The following FREM1 variants were observed in gnomAD, a reference collection of about 807,000 sequenced individuals.
FREM1 encodes FRAS1-related extracellular matrix protein 1.
FREM1 carries 220 observed loss-of-function variants against 210.1 expected under a neutral mutation model. That is an observed-to-expected ratio of 1.05 (90% CI 0.94 to 1.17). FREM1 has a LOEUF of 1.17. Ranked by LOEUF, FREM1 falls within the 50% of genes most tolerant of loss-of-function variation. The probability of loss-of-function intolerance (pLI) is 0.00; values close to 1 mark genes in which losing one functional copy is unlikely to be tolerated. For missense variants in FREM1, 3,454 were observed against 2,675.5 expected, an observed-to-expected ratio of 1.29 and a Z score of -6.42; for synonymous variants, 1,189 against 980.2, an observed-to-expected ratio of 1.21 and a Z score of -3.98.
chr9:14,908,265 T>C (rs758669419), intron 1 of FREM1, among the ~76,000 whole-genome samples: 15 of 152,150 alleles, frequency 9.9e-5, no homozygotes, highest in Non-Finnish European at 2.1e-4. Flanking sequence ...AATCCAAAAA[T>C]CATTTTCTAG....
chr9:14,862,923 T>C (rs1388295207), intron 3 of FREM1, among the ~76,000 whole-genome samples: 2 of 152,212 alleles, frequency 1.3e-5, no homozygotes, highest in African/African-American at 2.4e-5. Flanking sequence ...ATGAATAATG[T>C]TGCATTGAAC....
intron 1 of FREM1, among the ~76,000 whole-genome samples, chr9:14,907,006 T>C (rs1241379788): frequency 6.6e-6 from 1 of 152,210 alleles, no homozygotes; most frequent in Non-Finnish European, 1.5e-5. Flanking sequence ...CATTTTTTAA[T>C]ACACATTTTC....
chr9:14,765,537 C>A (rs944699271), intron 27 of FREM1, among the ~76,000 whole-genome samples: 4 of 152,194 alleles, frequency 2.6e-5, no homozygotes, highest in Non-Finnish European at 5.9e-5. Flanking sequence ...TCCTTCCCTT[C>A]CTCTGTGCTT....
chr9:14,752,369 G>T (rs77534274), intron 29 of FREM1, among the ~76,000 whole-genome samples: 4,232 of 152,244 alleles, frequency 0.028, 196 homozygotes, highest in African/African-American at 0.093. Flanking sequence ...CTCGGGAAGG[G>T]TGAGTGAATT....
At chr9:14,741,987 T>C (rs902276207) in intron 35 of FREM1, among the ~76,000 whole-genome samples, 2 of 152,242 alleles carry the variant, frequency 1.3e-5, no homozygotes, top group Non-Finnish European at 2.9e-5. Context: ...GATGGGAAGA[T>C]AGCTCTGCTT....
chr9:14,777,669 G>A (rs1052693391), intron 24 of FREM1, among the ~76,000 whole-genome samples: 3 of 151,956 alleles, frequency 2.0e-5, no homozygotes, highest in Non-Finnish European at 4.4e-5. Context: ...AACTAGAGAA[G>A]GTATGGCATT....
Position 14,869,091 on chromosome 9 carries a change from C to A in FREM1, c.-114G>T. On this transcript the variant is annotated 5_prime_UTR_variant, in exon 2 of 37. Transcript: ENST00000380880. ...TAGTCCAAGGGGCAGGGTGAGGGGT[C>A]CTGACAATGTGCCCCGAGATCTTAA... The A allele has an allele frequency of 1.6e-6, 1 of 645,150 alleles. No individual in the cohort carries two copies. Among genetic ancestry groups the A allele is most frequent in the Admixed American group, 3.0e-5 (1 of 33,780 alleles). The allele number at this position is 645,150 out of a possible 1,614,324, so 40.0% of individuals were successfully genotyped here. A position where few individuals can be genotyped will look rare whatever the true frequency, so the allele number is the denominator to read the frequency against.
chr9:14,830,462 A>G (rs902774339), intron 10 of FREM1, among the ~76,000 whole-genome samples: 1 of 152,154 alleles, frequency 6.6e-6, no homozygotes, highest in Non-Finnish European at 1.5e-5. Flanking sequence ...AGATTTCAGT[A>G]CATTGAGAAC....
intron 3 of FREM1, among the ~76,000 whole-genome samples, chr9:14,863,460 T>C (rs1830939632): frequency 6.6e-6 from 1 of 152,150 alleles, no homozygotes; most frequent in Non-Finnish European, 1.5e-5. Context: ...TTTTGGAATA[T>C]ATTTTCTCCC....
At position 14,737,359 on chromosome 9, in the gene FREM1, A is replaced by G; in HGVS notation, c.*37T>C. On this transcript the variant is annotated 3_prime_UTR_variant, in exon 37 of 37. Coordinates refer to ENST00000380880, the MANE Select transcript of FREM1 (RefSeq NM_001379081.2). Reference sequence around the variant, plus strand: ...CACAGATCCTGTGAATAAATAGGTGACAAACTCCAGGTGGCCCCCTGTAGG... The same window carrying G: ...CACAGATCCTGTGAATAAATAGGTGGCAAACTCCAGGTGGCCCCCTGTAGG... 1 of 1,520,544 alleles carries G rather than the reference A, an allele frequency of 6.6e-7. No individual in the cohort carries two copies. The highest frequency in any genetic ancestry group is 1.4e-5 in the African/African-American group (1 of 72,796). 94.2% of individuals were successfully genotyped at this position (1,520,544 alleles called of 1,614,324 possible). A position where few individuals can be genotyped will look rare whatever the true frequency, so the allele number is the denominator to read the frequency against.
intron 1 of FREM1, among the ~76,000 whole-genome samples, chr9:14,903,631 G>T (rs1817107220): frequency 6.6e-6 from 1 of 152,098 alleles, no homozygotes; most frequent in East Asian, 1.9e-4. Flanking sequence ...CCATCACAGG[G>T]CAGTTATCAC....
chr9:14,839,610 A>G (rs981039868), intron 10 of FREM1, among the ~76,000 whole-genome samples: 1 of 152,238 alleles, frequency 6.6e-6, no homozygotes, highest in Admixed American at 6.5e-5. Flanking sequence ...TACAGAGTTT[A>G]GTTTGACCAA....
At chr9:14,807,821 A>G in intron 17 of FREM1, 119 bp downstream of exon 17, 1 of 742,560 alleles carries the variant, frequency 1.3e-6, no homozygotes, top group Non-Finnish European at 2.2e-6. Context: ...TAATTATTGA[A>G]GGACAATTCC....
chr9:14,772,768 A>C (rs950860870), intron 25 of FREM1, among the ~76,000 whole-genome samples: 4 of 152,152 alleles, frequency 2.6e-5, no homozygotes, highest in Non-Finnish European at 5.9e-5. Flanking sequence ...CCAGTAAGAG[A>C]GATGGTTAGT....
chr9:14,812,920 C>G lies in FREM1; in HGVS notation c.2785G>C (p.Val929Leu), dbSNP rs755700934. ...CCATGCTGAGGTTCGCGAGCAATCA[C>G]AAACATCAACTTCAAGTTATCGCTG... is the stretch of plus-strand genomic sequence containing the variant. ...VDSDNLKLMF[V>L]IAREPQHGVV... Residue 929 changes from valine (V) to leucine (L), a missense_variant, in exon 16 of 37, where the codon GTG (valine) becomes CTG (leucine). Physicochemically the swap from Val to Leu is conservative, Grantham distance 32. Coordinates refer to ENST00000380880, the MANE Select transcript of FREM1 (RefSeq NM_001379081.2). 6.2e-7 allele frequency: 1 copy of G among 1,613,932 alleles called. No individual in the cohort carries two copies. The highest frequency in any genetic ancestry group is 1.7e-4 in the Middle Eastern group (1 of 6,060).
chr9:14,892,566 G>A (rs1027688488), intron 1 of FREM1, among the ~76,000 whole-genome samples: 2 of 152,118 alleles, frequency 1.3e-5, no homozygotes, highest in East Asian at 1.9e-4. Flanking sequence ...TGGCACTATA[G>A]GATGTTAACC....
chr9:14,839,726 C>T (rs887291226), intron 10 of FREM1, among the ~76,000 whole-genome samples: 4 of 151,978 alleles, frequency 2.6e-5, no homozygotes, highest in Non-Finnish European at 5.9e-5. Flanking sequence ...AAATATATAA[C>T]AACGAAAGAA....
At chr9:14,799,264 T>A (rs1381778838) in intron 20 of FREM1, among the ~76,000 whole-genome samples, 2 of 150,298 alleles carry the variant, frequency 1.3e-5, no homozygotes, top group African/African-American at 4.9e-5. Flanking sequence ...CCAGCCTAAG[T>A]GACAGTGCAA....
upstream of FREM1, among the ~76,000 whole-genome samples, chr9:14,910,614 C>A (rs1310762712): frequency 6.6e-6 from 1 of 152,130 alleles, no homozygotes; most frequent in Non-Finnish European, 1.5e-5. Flanking sequence ...TCACCACACA[C>A]AGACACATAC....
Sources: allele counts gnomAD v4.1 joint callset (sites outside exome capture counted in the v4.1 genomes callset), GRCh38; gene constraint gnomAD v4.1.1; transcripts MANE v1.5; gene names NCBI Gene and HGNC (gene_info 2026-07-23, HGNC 2026-07-21).